Variants in KCNH1 observed in about 807,000 individuals in gnomAD.
KCNH1 encodes the protein voltage-gated delayed rectifier potassium channel KCNH1.
Under a neutral mutation model 69.2 loss-of-function variants are expected in KCNH1, and 27 were observed. That is an observed-to-expected ratio of 0.39 (90% CI 0.29 to 0.54). The LOEUF is 0.54. KCNH1 is among the 20% of genes least tolerant of loss of function. The probability of loss-of-function intolerance (pLI) is 0.68; values close to 1 mark genes in which losing one functional copy is unlikely to be tolerated. For missense variants in KCNH1, 798 were observed against 1,261.6 expected, an observed-to-expected ratio of 0.63 and a Z score of 5.57; for synonymous variants, 456 against 487.7, an observed-to-expected ratio of 0.93 and a Z score of 0.86.
intron 7 of KCNH1, among the ~76,000 whole-genome samples, chr1:210,917,225 G>GAAAGAAAGAAAGAAAGAAAGAA (rs771690002): frequency 1.2e-5 from 1 of 80,596 alleles, no homozygotes; most frequent in Non-Finnish European, 2.5e-5. Context: ...GAGAGAGAGA[G>GAAAGAAAGAAAGAAAGAAAGAA]AGAGAGAAAG....
chr1:210,749,629 G>C (rs1438466328), intron 10 of KCNH1, among the ~76,000 whole-genome samples: 1 of 152,036 alleles, frequency 6.6e-6, no homozygotes, highest in Non-Finnish European at 1.5e-5. Context: ...CAGATTACAG[G>C]TTAAGAGACA....
intron 10 of KCNH1, among the ~76,000 whole-genome samples, chr1:210,705,852 C>T (rs1332729872): frequency 6.6e-6 from 1 of 152,154 alleles, no homozygotes; most frequent in Non-Finnish European, 1.5e-5. Flanking sequence ...CACCTCGATC[C>T]TAATCCCACT....
chr1:210,891,348 C>G (rs914218212), intron 7 of KCNH1, among the ~76,000 whole-genome samples: 3 of 152,080 alleles, frequency 2.0e-5, no homozygotes, highest in African/African-American at 7.2e-5. Flanking sequence ...AATGAGAACA[C>G]TTGGACACAG....
intron 6 of KCNH1, among the ~76,000 whole-genome samples, chr1:210,930,320 A>G (rs974182522): frequency 2.0e-5 from 3 of 152,230 alleles, no homozygotes; most frequent in Non-Finnish European, 2.9e-5. Flanking sequence ...ACAGCATAGT[A>G]CTGGTATAAA....
chr1:210,801,263 T>C (rs1221478530), intron 8 of KCNH1, among the ~76,000 whole-genome samples: 1 of 152,126 alleles, frequency 6.6e-6, no homozygotes, highest in African/African-American at 2.4e-5. Context: ...AAAACTGGGG[T>C]ATCCCAGCAC....
Position 210,996,345 on chromosome 1 carries a change from C to G in KCNH1, c.1032+22438G>C, listed in dbSNP as rs567977825. ...CACACCAGGAGATTATATCCGGCAC[C>G]TGGTTCGGAGGGTCCTACGCCCATG... On this transcript the variant is annotated intron_variant, in intron 6 of 10. Coordinates refer to ENST00000271751, the MANE Select transcript of KCNH1 (RefSeq NM_172362.3). 2.3e-3 allele frequency among the ~76,000 whole-genome samples: 351 copies of G among 152,330 alleles called. 1 individual carries two copies. Among genetic ancestry groups the G allele is most frequent in the Middle Eastern group, 0.01 (3 of 294 alleles).
chr1:210,872,657 AAGAG>A (rs1385048712), intron 7 of KCNH1, among the ~76,000 whole-genome samples: 1 of 152,116 alleles, frequency 6.6e-6, no homozygotes, highest in East Asian at 1.9e-4. Context: ...GAGTAGGAGC[AAGAG>A]AGAGAGTGGG....
Position 210,953,318 on chromosome 1 carries a change from G to A in KCNH1, c.1033-33249C>T, listed in dbSNP as rs183176829. 5.8e-3 allele frequency among the ~76,000 whole-genome samples: 885 copies of A among 152,312 alleles called. 12 individuals carry two copies. The highest frequency in any genetic ancestry group is 0.02 in the African/African-American group (842 of 41,568). On this transcript the variant is annotated intron_variant, in intron 6 of 10. Coordinates refer to ENST00000271751, the MANE Select transcript of KCNH1 (RefSeq NM_172362.3). The stretch of plus-strand genomic sequence containing the variant: ...TTGGCCTCAACCTCCTCACCACTCA[G>A]GTTGAACCCAGGGCAAGCTGGCATC...
chr1:210,900,950 C>T (rs1686983098), intron 7 of KCNH1, among the ~76,000 whole-genome samples: 1 of 152,128 alleles, frequency 6.6e-6, no homozygotes, highest in African/African-American at 2.4e-5. Flanking sequence ...ACCCCTCCCT[C>T]CAAGACCTTT....
intron 5 of KCNH1, among the ~76,000 whole-genome samples, chr1:211,046,249 A>G (rs1024196934): frequency 6.6e-6 from 1 of 152,326 alleles, no homozygotes; most frequent in Middle Eastern, 3.4e-3. Flanking sequence ...CAAAAATATA[A>G]TATCAAGAAC....
intron 5 of KCNH1, among the ~76,000 whole-genome samples, chr1:211,021,169 G>T (rs1415874295): frequency 2.6e-5 from 4 of 152,098 alleles, no homozygotes; most frequent in African/African-American, 7.2e-5. Context: ...GGGTGGGAAG[G>T]GGGTAGGGGA....
At chr1:211,018,736 T>G (rs774611331) in intron 6 of KCNH1, 47 bp downstream of exon 6, 1 of 1,442,148 alleles carries the variant, frequency 6.9e-7, no homozygotes, top group Non-Finnish European at 9.5e-7. Context: ...CACATTTAAC[T>G]CAGTTTTAAA....
intron 6 of KCNH1, among the ~76,000 whole-genome samples, chr1:211,000,680 A>T (rs1267031510): frequency 6.6e-6 from 1 of 152,200 alleles, no homozygotes; most frequent in Non-Finnish European, 1.5e-5. Context: ...TTGATATGGA[A>T]CAAAAAAAGA....
At chr1:210,783,603 C>T (rs1001950981) in intron 9 of KCNH1, among the ~76,000 whole-genome samples, 1 of 152,164 alleles carries the variant, frequency 6.6e-6, no homozygotes, top group Admixed American at 6.5e-5. Flanking sequence ...TTTCCCTATA[C>T]CTTCTCCCCT....
chr1:210,772,280 A>G (rs372105232), intron 10 of KCNH1, among the ~76,000 whole-genome samples: 1 of 152,308 alleles, frequency 6.6e-6, no homozygotes. Context: ...AACTCCCCAG[A>G]TAGATGTCAA....
chr1:211,057,504 T>C (rs1231829334), intron 5 of KCNH1, among the ~76,000 whole-genome samples: 2 of 152,044 alleles, frequency 1.3e-5, no homozygotes, highest in African/African-American at 4.8e-5. Flanking sequence ...CTGGGTATTA[T>C]GGCGTTTGCT....
chr1:210,826,923 AC>A (rs1451112768), intron 7 of KCNH1, among the ~76,000 whole-genome samples: 1 of 152,238 alleles, frequency 6.6e-6, no homozygotes, highest in East Asian at 1.9e-4. Flanking sequence ...CGGAGTTGGC[AC>A]ATAGACACCT....
At chr1:211,002,330 GTGTGTGTGTATATATA>G (rs1054874242) in intron 6 of KCNH1, among the ~76,000 whole-genome samples, 1 of 135,360 alleles carries the variant, frequency 7.4e-6, no homozygotes, top group African/African-American at 3.1e-5. Flanking sequence ...ATATATATGT[GTGTGTGTGTATATATA>G]TATATATACA....
chr1:210,949,915 T>A (rs1688031613), intron 6 of KCNH1, among the ~76,000 whole-genome samples: 1 of 152,190 alleles, frequency 6.6e-6, no homozygotes, highest in Admixed American at 6.5e-5. Flanking sequence ...AAGGAGGATA[T>A]TTAAAAGAAA....
Sources: allele counts gnomAD v4.1 joint callset (sites outside exome capture counted in the v4.1 genomes callset), GRCh38; gene constraint gnomAD v4.1.1; transcripts MANE v1.5; gene names NCBI Gene and HGNC (gene_info 2026-07-23, HGNC 2026-07-21).